DOP1B: variants seen among roughly 807,000 people sequenced by gnomAD.
DOP1B encodes the protein DOP1 leucine zipper like protein B, also known as protein DOP1B.
A neutral mutation model predicts 233.5 loss-of-function variants in DOP1B; 174 were observed. The observed-to-expected ratio is 0.75, with a 90% CI of 0.66 to 0.85. The LOEUF is 0.85. Ranked by LOEUF, DOP1B falls within the 40% of genes least tolerant of loss-of-function variation. The probability of loss-of-function intolerance (pLI) is 0.00; values close to 1 mark genes in which losing one functional copy is unlikely to be tolerated. For missense variants in DOP1B, 2,652 were observed against 2,846.6 expected (o/e 0.93, Z 1.56); for synonymous variants, 1,190 against 1,185.6 (o/e 1.00, Z -0.08).
intron 27 of DOP1B, among the ~76,000 whole-genome samples, chr21:36,270,373 C>T (rs991349079): frequency 7.4e-5 from 11 of 149,524 alleles, no homozygotes; most frequent in African/African-American, 2.5e-4. Flanking sequence ...GCCAACATGG[C>T]GAAACCCCGT....
intron 16 of DOP1B, among the ~76,000 whole-genome samples, chr21:36,238,242 G>A (rs1416882393): frequency 6.6e-6 from 1 of 152,150 alleles, no homozygotes; most frequent in Non-Finnish European, 1.5e-5. Context: ...TTATCGTCCT[G>A]GGTCTCCTTT....
chr21:36,263,411 T>C, intron 24 of DOP1B, 135 bp from the exon 25 acceptor site: 1 of 721,874 alleles, frequency 1.4e-6, no homozygotes, highest in East Asian at 2.7e-5. Context: ...TTGTAAGTTT[T>C]TAAAAAGAAA....
At position 36,178,972 on chromosome 21, in the gene DOP1B, C is replaced by G. The variant is rs186414025; in HGVS notation, c.138+14101C>G. Among the ~76,000 whole-genome samples the G allele has an allele frequency of 4.4e-3, 673 of 152,344 alleles. 4 individuals carry two copies. Among genetic ancestry groups the G allele is most frequent in the African/African-American group, 0.015 (613 of 41,576 alleles). Reference sequence around the variant, plus strand: ...GTCCTTTTGTCGTCTCCCTCCCTCCCTTGTCCCCAGACAACCACTGATCTG... The same window carrying G: ...GTCCTTTTGTCGTCTCCCTCCCTCCGTTGTCCCCAGACAACCACTGATCTG... On this transcript the variant is annotated intron_variant, in intron 2 of 36. Coordinates refer to ENST00000691173, the MANE Select transcript of DOP1B (RefSeq NM_001320714.2).
At position 36,245,345 on chromosome 21, in the gene DOP1B, G is replaced by A. The variant is rs2066945311; in HGVS notation, c.3365G>A (p.Ser1122Asn). Residue 1122 changes from serine (S) to asparagine (N), a missense_variant, in exon 19 of 37, where the codon AGC (serine) becomes AAC (asparagine). Around this residue, in one of 3 missense-constraint regions of DOP1B, gnomAD observed 2,617 missense variants for 2,794.3 expected, o/e 0.94. Coordinates refer to ENST00000691173, the MANE Select transcript of DOP1B (RefSeq NM_001320714.2). The surrounding 1 kb of genome is among the most constrained non-coding windows in gnomAD (Gnocchi z 5.5). ...GATACAAGCTCCTGCCACACGGACA[G>A]CGAGAACACGTCCTCCTTCTCCTCC... ...SADTSSCHTD[S>N]ENTSSFSSPS... is the part of the protein sequence containing the mutation. The A allele has an allele frequency of 1.2e-6, 2 of 1,613,992 alleles. No homozygotes were observed. Among genetic ancestry groups the A allele is most frequent in the African/African-American group, 1.3e-5 (1 of 74,940 alleles).
chr21:36,169,527 T>C, intron 2 of DOP1B: 1 of 1,122,224 alleles, frequency 8.9e-7, no homozygotes, highest in Non-Finnish European at 1.3e-6. Context: ...ACCCCGATGA[T>C]GTCGATCATC....
At chr21:36,208,671 G>C in intron 4 of DOP1B, 44 bp from the exon 5 acceptor site, 1 of 1,588,824 alleles carries the variant, frequency 6.3e-7, no homozygotes, top group Non-Finnish European at 8.6e-7. Context: ...TGGGACTCGG[G>C]AAGATGGGGC....
chr21:36,165,936 C>T (rs1018422330), intron 2 of DOP1B, among the ~76,000 whole-genome samples: 13 of 151,044 alleles, frequency 8.6e-5, no homozygotes, highest in Non-Finnish European at 1.5e-4. Context: ...AGGCTGGTCT[C>T]GAACTCCTGA....
chr21:36,225,485 C>T lies in DOP1B; in HGVS notation c.1371-80C>T, dbSNP rs2066671456. 2.3e-5 allele frequency: 35 copies of T among 1,505,836 alleles called. 1 individual carries two copies. The South Asian group carries it at 3.6e-4, about 16-fold the overall frequency. The allele number at this position is 1,505,836 out of a possible 1,614,324, so 93.3% of individuals were successfully genotyped here. On this transcript the variant is annotated intron_variant, in intron 11 of 36. Coordinates refer to ENST00000691173, the MANE Select transcript of DOP1B (RefSeq NM_001320714.2). Reference sequence around the variant, plus strand: ...AGCTCAGACAGTCCACCCATCTCGGCCTCCCAAAGTGTTAAGATTATAGGT... The same window carrying T: ...AGCTCAGACAGTCCACCCATCTCGGTCTCCCAAAGTGTTAAGATTATAGGT...
intron 1 of DOP1B, among the ~76,000 whole-genome samples, chr21:36,163,835 CT>C (rs929430444): frequency 2.6e-5 from 4 of 152,210 alleles, no homozygotes; most frequent in African/African-American, 9.7e-5. Context: ...TGCAGGGGCT[CT>C]GTCGTTCCAC....
intron 14 of DOP1B, among the ~76,000 whole-genome samples, chr21:36,232,324 T>C (rs2066777378): frequency 6.6e-6 from 1 of 152,192 alleles, no homozygotes; most frequent in Non-Finnish European, 1.5e-5. Flanking sequence ...TCTAACAAAG[T>C]ACCATAAACT....
At chr21:36,231,671 GT>G (rs1223755186) in intron 14 of DOP1B, among the ~76,000 whole-genome samples, 1 of 146,432 alleles carries the variant, frequency 6.8e-6, no homozygotes, top group Non-Finnish European at 1.5e-5. Flanking sequence ...TTTGTGTTGG[GT>G]TTTTTTGTTT....
chr21:36,215,144 A>G (rs552981388), intron 9 of DOP1B, among the ~76,000 whole-genome samples: 3 of 152,146 alleles, frequency 2.0e-5, no homozygotes, highest in South Asian at 2.1e-4. Context: ...TTTTAAGCCT[A>G]TTTTTTCAAT....
intron 2 of DOP1B, among the ~76,000 whole-genome samples, chr21:36,177,766 CAG>C (rs1394466038): frequency 1.3e-5 from 2 of 152,224 alleles, no homozygotes; most frequent in East Asian, 1.9e-4. Flanking sequence ...CGGGACTCTG[CAG>C]AGAGTCTCCA....
At chr21:36,260,334 G>A (rs2067156228) in intron 23 of DOP1B, among the ~76,000 whole-genome samples, 1 of 152,122 alleles carries the variant, frequency 6.6e-6, no homozygotes. Context: ...GTAATCATAT[G>A]CATTCACTGG....
intron 24 of DOP1B, 41 bp from the exon 25 acceptor site, chr21:36,263,505 T>C (rs1601462744): frequency 6.5e-7 from 1 of 1,532,160 alleles, no homozygotes. Context: ...TATTTTGACT[T>C]GTTCGTGGTT....
At chr21:36,204,366 G>A (rs1432518647) in intron 4 of DOP1B, among the ~76,000 whole-genome samples, 1 of 152,128 alleles carries the variant, frequency 6.6e-6, no homozygotes. Flanking sequence ...ATGATGTCCT[G>A]TCCCATTAAA....
intron 1 of DOP1B, among the ~76,000 whole-genome samples, chr21:36,163,872 C>T (rs951722163): frequency 1.3e-5 from 2 of 152,212 alleles, no homozygotes; most frequent in Non-Finnish European, 1.5e-5. Flanking sequence ...TTGTGACTTT[C>T]GTGCATGTTT....
At chr21:36,167,853 A>G (rs979842988) in intron 2 of DOP1B, among the ~76,000 whole-genome samples, 1 of 148,172 alleles carries the variant, frequency 6.7e-6, no homozygotes, top group Admixed American at 6.8e-5. Context: ...ATGTTATAGT[A>G]TGTGTTAGAA....
At chr21:36,171,974 G>T (rs189333961) in intron 2 of DOP1B, among the ~76,000 whole-genome samples, 1 of 152,320 alleles carries the variant, frequency 6.6e-6, no homozygotes, top group East Asian at 1.9e-4. Context: ...CTGGGGAAGT[G>T]GGGTATGGAG....
Sources: gnomAD v4.1 joint callset for allele counts (sites outside exome capture counted in the v4.1 genomes callset) on GRCh38, gnomAD v4.1.1 for gene constraint, gnomAD v4.1.1 regional missense constraint, Gnocchi (gnomAD v3.1) non-coding constraint, MANE v1.5 for transcripts, NCBI Gene and HGNC (gene_info 2026-07-23, HGNC 2026-07-21) for gene names.